Variants in NCALD observed in about 807,000 individuals in gnomAD.
NCALD encodes neurocalcin delta, also known as neurocalcin-delta.
Under a neutral mutation model 18.6 loss-of-function variants are expected in NCALD, and 10 were observed. The observed-to-expected ratio is 0.54, with a 90% CI of 0.33 to 0.91. The LOEUF (loss-of-function observed/expected upper bound fraction) is 0.91, where lower values mean the gene tolerates loss of function less well. Ranked by LOEUF, NCALD falls within the 40% of genes least tolerant of loss-of-function variation. The probability of loss-of-function intolerance (pLI) is 0.03; values close to 1 mark genes in which losing one functional copy is unlikely to be tolerated. For missense variants in NCALD, 184 were observed against 247.6 expected, an observed-to-expected ratio of 0.74 and a Z score of 1.72; for synonymous variants, 88 against 87.4, an observed-to-expected ratio of 1.01 and a Z score of -0.04.
At chr8:101,745,244 ATC>A (rs1466583629) in intron 1 of NCALD, among the ~76,000 whole-genome samples, 1 of 152,210 alleles carries the variant, frequency 6.6e-6, no homozygotes, top group African/African-American at 2.4e-5. Flanking sequence ...TTAGCCTGTC[ATC>A]TCTTATTGTT....
chr8:102,103,643 C>T (rs1458960018), intron 1 of NCALD, among the ~76,000 whole-genome samples: 12 of 152,106 alleles, frequency 7.9e-5, no homozygotes, highest in Non-Finnish European at 1.3e-4. Context: ...CAGCCTTGAC[C>T]TCATGGGCTC....
At chr8:101,801,939 T>C (rs1812883637) in intron 4 of NCALD, among the ~76,000 whole-genome samples, 1 of 152,112 alleles carries the variant, frequency 6.6e-6, no homozygotes, top group Admixed American at 6.5e-5. Flanking sequence ...GTGCTGGGAT[T>C]ACAGGCGTGA....
intron 4 of NCALD, among the ~76,000 whole-genome samples, chr8:101,827,594 C>T (rs1168995692): frequency 1.3e-5 from 2 of 152,178 alleles, no homozygotes; most frequent in Non-Finnish European, 1.5e-5. Flanking sequence ...CATTGCACAA[C>T]CTCAGGGATT....
At chr8:101,913,669 G>A (rs1167005610) in intron 3 of NCALD, among the ~76,000 whole-genome samples, 1 of 152,066 alleles carries the variant, frequency 6.6e-6, no homozygotes, top group African/African-American at 2.4e-5. Flanking sequence ...CACAACCTCC[G>A]CCTCCTGGAT....
intron 2 of NCALD, 21 bp from the exon 3 acceptor site, chr8:101,692,917 G>C: frequency 1.3e-6 from 2 of 1,561,796 alleles, no homozygotes; most frequent in Non-Finnish European, 1.8e-6. Context: ...AAGCGACATG[G>C]TGGTAAGACA....
rs1055401117 is a variant in NCALD, at chr8:101,871,861, A to G, written c.-20+15280T>C. On this transcript the variant is annotated intron_variant, in intron 4 of 6. Transcript: ENST00000311028. ...ACCCTTGGAATCGCTGTCCCTCCTCATGGGGACAGAGCTCTGCACTGAAGA... is the reference window on the plus strand; with the variant it reads ...ACCCTTGGAATCGCTGTCCCTCCTCGTGGGGACAGAGCTCTGCACTGAAGA... The G allele has an allele frequency of 2.4e-5, 14 of 578,252 alleles. No individual in the cohort carries two copies. In the South Asian group the frequency reaches 2.9e-4, roughly 12 times the overall value. The allele number at this position is 578,252 out of a possible 1,614,324, so 35.8% of individuals were successfully genotyped here.
intron 3 of NCALD, among the ~76,000 whole-genome samples, chr8:101,889,327 G>T (rs906998352): frequency 5.3e-5 from 8 of 152,226 alleles, no homozygotes; most frequent in Non-Finnish European, 1.0e-4. Context: ...CACTGTAGAA[G>T]GATTCTTGTT....
Position 101,686,910 on chromosome 8 carries a change from C to T in NCALD, c.*2399G>A, listed in dbSNP as rs2129860772. 6.6e-6 allele frequency: 1 copy of T among 152,638 alleles called. No homozygotes were observed. Among genetic ancestry groups the T allele is most frequent in the African/African-American group, 2.4e-5 (1 of 41,494 alleles). The allele number at this position is 152,638 out of a possible 1,614,324, so 9.5% of individuals were successfully genotyped here. ...TGCAGTCTTCTGGGTGCTGTGGAGTCCCTTGGCCAAACTTGAGTGCACTGG... is the reference window on the plus strand; with the variant it reads ...TGCAGTCTTCTGGGTGCTGTGGAGTTCCTTGGCCAAACTTGAGTGCACTGG... On this transcript the variant is annotated 3_prime_UTR_variant, in exon 4 of 4. Transcript: ENST00000220931.
intron 2 of NCALD, among the ~76,000 whole-genome samples, chr8:101,955,793 T>G (rs943570404): frequency 6.6e-6 from 1 of 152,120 alleles, no homozygotes; most frequent in Non-Finnish European, 1.5e-5. Flanking sequence ...ATTGAGACAA[T>G]TGACAAAATT....
intron 4 of NCALD, among the ~76,000 whole-genome samples, chr8:101,816,045 G>T (rs1467856379): frequency 2.0e-5 from 3 of 152,056 alleles, no homozygotes; most frequent in African/African-American, 7.2e-5. Context: ...ATATGAAAAG[G>T]CTACATACTG....
chr8:102,087,389 T>C (rs935678862), intron 1 of NCALD, among the ~76,000 whole-genome samples: 3 of 152,150 alleles, frequency 2.0e-5, no homozygotes, highest in Non-Finnish European at 4.4e-5. Flanking sequence ...GGAAATAGAC[T>C]GCAGCACTGA....
chr8:101,847,692 C>T (rs1814925657), intron 4 of NCALD, among the ~76,000 whole-genome samples: 1 of 152,078 alleles, frequency 6.6e-6, no homozygotes, highest in African/African-American at 2.4e-5. Context: ...TGTTTCCTAC[C>T]CTCAAAGAGC....
intron 1 of NCALD, among the ~76,000 whole-genome samples, chr8:101,753,872 C>T (rs1221993680): frequency 6.6e-6 from 1 of 152,190 alleles, no homozygotes; most frequent in African/African-American, 2.4e-5. Context: ...ATCCTGGAAG[C>T]ACTCTACCTC....
At chr8:101,770,199 G>T (rs998236006) in intron 1 of NCALD, among the ~76,000 whole-genome samples, 9 of 152,122 alleles carry the variant, frequency 5.9e-5, no homozygotes, top group Non-Finnish European at 1.3e-4. Context: ...CTCTCCAACT[G>T]GATACCAAAA....
At position 101,899,161 on chromosome 8, in the gene NCALD, T is replaced by C. The variant is rs137875737; in HGVS notation, c.-106-11934A>G. On this transcript the variant is annotated intron_variant, in intron 3 of 6. Coordinates refer to the NCALD transcript ENST00000311028. ...CATGTTTTTGAGATTGTAAATGATA[T>C]TGTATAATTAATTTTTATATTCATG... is the stretch of plus-strand genomic sequence containing the variant. Among the ~76,000 whole-genome samples the C allele has an allele frequency of 4.4e-4, 67 of 152,162 alleles. 1 individual carries two copies. Among genetic ancestry groups the C allele is most frequent in the African/African-American group, 1.3e-3 (56 of 41,570 alleles).
At chr8:101,830,557 AAAAG>A (rs1478596528) in intron 4 of NCALD, among the ~76,000 whole-genome samples, 3 of 151,600 alleles carry the variant, frequency 2.0e-5, no homozygotes, top group African/African-American at 7.3e-5. Context: ...TCAAAAAAAA[AAAAG>A]AAAGAAAATG....
At chr8:102,020,096 A>C (rs897634338) in intron 2 of NCALD, 2 of 152,158 alleles carry the variant, frequency 1.3e-5, no homozygotes, top group African/African-American at 4.8e-5. Context: ...CAGTGCCTCA[A>C]TTTCCTCATG....
intron 1 of NCALD, among the ~76,000 whole-genome samples, chr8:101,759,383 G>A (rs982209076): frequency 2.0e-5 from 3 of 152,158 alleles, no homozygotes; most frequent in Non-Finnish European, 4.4e-5. Flanking sequence ...AGGGAAGGAA[G>A]AAGAGAGTCA....
At chr8:101,881,517 A>G (rs949814416) in intron 4 of NCALD, among the ~76,000 whole-genome samples, 5 of 152,210 alleles carry the variant, frequency 3.3e-5, no homozygotes, top group Non-Finnish European at 7.3e-5. Flanking sequence ...TCAGCTTCCT[A>G]TAAAACTAGA....
Sources: gnomAD v4.1 joint callset for allele counts (sites outside exome capture counted in the v4.1 genomes callset) on GRCh38, gnomAD v4.1.1 for gene constraint, MANE v1.5 for transcripts, NCBI Gene and HGNC (gene_info 2026-07-23, HGNC 2026-07-21) for gene names.